Variants in PTPN12 observed in about 807,000 individuals in gnomAD.
PTPN12 encodes the protein protein tyrosine phosphatase non-receptor type 12.
PTPN12 carries 29 observed loss-of-function variants against 97.6 expected under a neutral mutation model. That is an observed-to-expected ratio of 0.30 (90% CI 0.22 to 0.41). The LOEUF (loss-of-function observed/expected upper bound fraction) is 0.41. Among genes scored for constraint, PTPN12 ranks in the 10% least tolerant of loss-of-function variants. The probability of loss-of-function intolerance (pLI) is 1.00; values close to 1 mark genes in which losing one functional copy is unlikely to be tolerated. For missense variants in PTPN12, 819 were observed against 926.0 expected (o/e 0.88, Z 1.50); for synonymous variants, 327 against 300.4 (o/e 1.09, Z -0.91).
chr7:77,637,650 G>A (rs1003306295), intron 16 of PTPN12, among the ~76,000 whole-genome samples: 1 of 151,922 alleles, frequency 6.6e-6, no homozygotes, highest in Non-Finnish European at 1.5e-5. Context: ...GAGGTCAGGA[G>A]TTCGAAACCA....
At chr7:77,598,790 T>G (rs1345154433) in intron 7 of PTPN12, among the ~76,000 whole-genome samples, 2 of 151,492 alleles carry the variant, frequency 1.3e-5, no homozygotes, top group East Asian at 3.9e-4. Context: ...TTATTTTGCT[T>G]TATATCTGCA....
intron 12 of PTPN12, among the ~76,000 whole-genome samples, chr7:77,621,670 C>CAA (rs34455758): frequency 6.8e-5 from 10 of 148,112 alleles, no homozygotes; most frequent in African/African-American, 2.0e-4. Context: ...GACTCCATCT[C>CAA]AAAAAAAAAA....
intron 1 of PTPN12, among the ~76,000 whole-genome samples, chr7:77,556,533 G>A (rs751446792): frequency 6.6e-6 from 1 of 152,080 alleles, no homozygotes. Flanking sequence ...TCATTTCTCC[G>A]CAGGGCAGAC....
rs565556906 is a variant in PTPN12 at position 77,537,510 on chromosome 7, G to T, written c.-37G>T. 2 of 1,557,318 alleles carry T rather than the reference G, an allele frequency of 1.3e-6. No homozygotes were observed. The highest frequency in any genetic ancestry group is 1.7e-6 in the Non-Finnish European group (2 of 1,153,406). On this transcript the variant is annotated 5_prime_UTR_variant, in exon 1 of 18. Coordinates refer to ENST00000248594, the MANE Select transcript of PTPN12 (RefSeq NM_002835.4). ...CTCTGTGCCGGGCGGGCGGGCGGCG[G>T]GGGGGCCAGCGACCGCAGCCGGGGG...
At chr7:77,620,827 A>G (rs2151386676) in intron 12 of PTPN12, among the ~76,000 whole-genome samples, 1 of 152,326 alleles carries the variant, frequency 6.6e-6, no homozygotes, top group South Asian at 2.1e-4. Context: ...ACGCGCCTGC[A>G]GTTCCAGCTA....
Position 77,578,920 on chromosome 7 carries a change from A to G in PTPN12, c.209-2507A>G, listed in dbSNP as rs909842042. Among the ~76,000 whole-genome samples the G allele has an allele frequency of 5.9e-5, 9 of 152,270 alleles. No homozygotes were observed. The South Asian group carries it at 1.9e-3, about 32-fold the overall frequency. On this transcript the variant is annotated intron_variant, in intron 2 of 17. Coordinates refer to ENST00000248594, the MANE Select transcript of PTPN12 (RefSeq NM_002835.4). ...CTTTCCCTTTTGGTAACCAAGCAAT[A>G]CCATATTAACCAAGTGACCAAGGTT... is the stretch of plus-strand genomic sequence containing the variant.
Position 77,581,508 on chromosome 7 carries a change from G to A in PTPN12, c.285+5G>A. ...ATCAATGCAAATTTTATAAAGGTAT[G>A]TACTAACTTTAAATGGTGTTTCTCT... On this transcript the variant is annotated splice_donor_5th_base_variant and intron_variant, in intron 3 of 17. Transcript: ENST00000248594. The A allele has an allele frequency of 6.6e-7, 1 of 1,517,186 alleles. No homozygotes were observed. Among genetic ancestry groups the A allele is most frequent in the African/African-American group, 1.4e-5 (1 of 71,670 alleles). 94.0% of individuals were successfully genotyped at this position (1,517,186 alleles called of 1,614,324 possible).
At position 77,632,351 on chromosome 7, in the gene PTPN12, TTGA is replaced by T. The variant is rs1789427367; in HGVS notation, c.2003_2005del (p.Asp668del). On this transcript the variant is annotated inframe_deletion, in exon 14 of 18. Transcript: ENST00000248594. Reference sequence around the variant, plus strand: ...AATTTTTATGTGTTTAATTTAGATGTTGATGTTAGTGAAGATTCACCTCCTCCC... The same window carrying T: ...AATTTTTATGTGTTTAATTTAGATGTTGTTAGTGAAGATTCACCTCCTCCC... The T allele has an allele frequency of 5.0e-6, 8 of 1,598,308 alleles. No homozygotes were observed. The East Asian group carries it at 8.9e-5, about 18-fold the overall frequency.
Position 77,635,869 on chromosome 7 carries a change from GAACAGTTATAGCTTAAC to G in PTPN12, c.2142+22_2142+38del, listed in dbSNP as rs771628336. 6.4e-7 allele frequency: 1 copy of G among 1,556,334 alleles called. No individual in the cohort carries two copies. The highest frequency in any genetic ancestry group is 8.8e-7 in the Non-Finnish European group (1 of 1,138,164). ...TCTGAAGTAAGTCCTTTTGGAATTG[GAACAGTTATAGCTTAAC>G]ATTTCTACTCTTTTGTTAACTAATC... On this transcript the variant is annotated intron_variant, in intron 15 of 17. Transcript: ENST00000248594.
At chr7:77,605,175 T>C (rs1246762530) in intron 8 of PTPN12, among the ~76,000 whole-genome samples, 3 of 152,146 alleles carry the variant, frequency 2.0e-5, no homozygotes, top group Non-Finnish European at 4.4e-5. Context: ...CTTTCTAGGT[T>C]GTTTATAGTG....
At chr7:77,610,146 A>G (rs561728038) in intron 9 of PTPN12, among the ~76,000 whole-genome samples, 1 of 152,322 alleles carries the variant, frequency 6.6e-6, no homozygotes, top group African/African-American at 2.4e-5. Flanking sequence ...AATTCCATAT[A>G]CACAAAAGAA....
intron 14 of PTPN12, among the ~76,000 whole-genome samples, 189 bp downstream of exon 14, chr7:77,632,614 C>T (rs1022328451): frequency 6.6e-6 from 1 of 152,012 alleles, no homozygotes; most frequent in African/African-American, 2.4e-5. Context: ...TTGCTAAGAT[C>T]GATAGAAATT....
intron 9 of PTPN12, among the ~76,000 whole-genome samples, chr7:77,609,358 G>A (rs1025195165): frequency 7.1e-6 from 1 of 141,710 alleles, no homozygotes; most frequent in Non-Finnish European, 1.5e-5. Flanking sequence ...TGCAACCTCT[G>A]ACTCTCAGGT....
At chr7:77,602,984 T>A (rs1048536802) in intron 8 of PTPN12, among the ~76,000 whole-genome samples, 1 of 152,218 alleles carries the variant, frequency 6.6e-6, no homozygotes, top group Non-Finnish European at 1.5e-5. Context: ...AGTTTTCTTA[T>A]TCACTTGGTT....
chr7:77,618,563 C>A lies in PTPN12; in HGVS notation c.1023C>A (p.Arg341=). The A allele has an allele frequency of 1.9e-6, 3 of 1,594,210 alleles. No homozygotes were observed. The African/African-American group carries it at 4.0e-5, about 21-fold the overall frequency. The change falls in exon 12 of 18, where the codon CGC becomes CGA. Residue 341 remains arginine, a splice_region_variant and synonymous_variant. Coordinates refer to ENST00000248594, the MANE Select transcript of PTPN12 (RefSeq NM_002835.4). ...CTCCTCCAAAACCACCAAGGACCCG[C>A]AGGTATTGTATGTCTTCGAACATTT... The part of the protein sequence containing the change: ...DSPPPKPPRT[R]SCLVEGDAKE...
At chr7:77,541,812 C>T (rs1300575823) in intron 1 of PTPN12, among the ~76,000 whole-genome samples, 3 of 152,094 alleles carry the variant, frequency 2.0e-5, no homozygotes, top group African/African-American at 4.8e-5. Context: ...AGCTAAGGTA[C>T]CCAGACTGTG....
At chr7:77,603,822 G>A (rs1029652440) in intron 8 of PTPN12, among the ~76,000 whole-genome samples, 1 of 149,122 alleles carries the variant, frequency 6.7e-6, no homozygotes, top group Non-Finnish European at 1.5e-5. Context: ...GCCACTGGCA[G>A]TATGTGAGAG....
chr7:77,632,835 T>C (rs186294077), intron 14 of PTPN12, among the ~76,000 whole-genome samples: 13 of 152,252 alleles, frequency 8.5e-5, no homozygotes, highest in African/African-American at 3.1e-4. Context: ...TGGACACCTA[T>C]AATCTCAGCT....
intron 12 of PTPN12, among the ~76,000 whole-genome samples, chr7:77,622,342 G>A (rs1350788451): frequency 6.6e-6 from 1 of 152,004 alleles, no homozygotes; most frequent in Non-Finnish European, 1.5e-5. Context: ...AAAAAACAGA[G>A]GAAATGGAGA....
Sources: allele counts gnomAD v4.1 joint callset (sites outside exome capture counted in the v4.1 genomes callset), GRCh38; gene constraint gnomAD v4.1.1; transcripts MANE v1.5; gene names NCBI Gene and HGNC (gene_info 2026-07-23, HGNC 2026-07-21).